Variants in CFAP52 observed in about 807,000 individuals in gnomAD.
CFAP52 encodes the protein cilia and flagella associated protein 52.
CFAP52 carries 57 observed loss-of-function variants against 70.5 expected under a neutral mutation model. The observed-to-expected ratio is 0.81, with a 90% confidence interval of 0.65 to 1.01. The LOEUF (loss-of-function observed/expected upper bound fraction) is 1.01. CFAP52 is among the 50% of genes least tolerant of loss of function. The pLI is 0.00. For synonymous variants in CFAP52, 267 were observed against 292.5 expected, an observed-to-expected ratio of 0.91 and a Z score of 0.89; for missense variants, 785 against 788.5, an observed-to-expected ratio of 1.00 and a Z score of 0.05.
At chr17:9,607,308 T>G (rs1180101955) in intron 6 of CFAP52, among the ~76,000 whole-genome samples, 1 of 152,226 alleles carries the variant, frequency 6.6e-6, no homozygotes, top group Non-Finnish European at 1.5e-5. Flanking sequence ...ATCATGCCAC[T>G]GCACTCCAGT....
At chr17:9,600,023 G>A (rs766843037) in intron 5 of CFAP52, 44 bp from the exon 6 acceptor site, 3 of 1,564,810 alleles carry the variant, frequency 1.9e-6, no homozygotes, top group Admixed American at 3.3e-5. Flanking sequence ...TTACAGGCGT[G>A]AGCCACCGAG....
At chr17:9,585,209 A>G (rs1364147168) in intron 1 of CFAP52, among the ~76,000 whole-genome samples, 4 of 152,144 alleles carry the variant, frequency 2.6e-5, no homozygotes, top group Admixed American at 1.3e-4. Context: ...GAAATACAGA[A>G]TCTCAACCCC....
At position 9,598,347 on chromosome 17, in the gene CFAP52, T is replaced by C; in HGVS notation, c.636+14T>C. ...ATGAGTATTGGAGTAAGTATTAATT[T>C]AAGTATTAAGTAACAATTAGCACAC... On this transcript the variant is annotated intron_variant, in intron 5 of 13. Transcript: ENST00000352665. The C allele has an allele frequency of 6.3e-7, 1 of 1,596,390 alleles. No homozygotes were observed. The highest frequency in any genetic ancestry group is 8.6e-7 in the Non-Finnish European group (1 of 1,167,710).
In CFAP52 at chr17:9,576,688, T is replaced by TC; in HGVS notation, c.-5dup. The TC allele has an allele frequency of 6.2e-7, 1 of 1,607,888 alleles. No individual in the cohort carries two copies. Among genetic ancestry groups the TC allele is most frequent in the Non-Finnish European group, 8.5e-7 (1 of 1,176,888 alleles). On this transcript the variant is annotated 5_prime_UTR_variant, in exon 1 of 14. Coordinates refer to ENST00000352665, the MANE Select transcript of CFAP52 (RefSeq NM_145054.5). Reference sequence around the variant, plus strand: ...GGAGGAGAGCAAAGTAATCAGAACCTCCCAAGGATGGATAACAAAATTTCG... The same window carrying TC: ...GGAGGAGAGCAAAGTAATCAGAACCTCCCCAAGGATGGATAACAAAATTTCG...
chr17:9,631,058 GAAAGAAAGAA>G (rs1567634969), intron 9 of CFAP52, among the ~76,000 whole-genome samples: 6 of 115,754 alleles, frequency 5.2e-5, no homozygotes, highest in East Asian at 3.6e-4. Flanking sequence ...GAGAGAGAAA[GAAAGAAAGAA>G]AGAAAGAAAG....
chr17:9,641,866 T>C (rs370163534), intron 13 of CFAP52, 31 bp downstream of exon 13: 63 of 1,589,340 alleles, frequency 4.0e-5, no homozygotes, highest in Non-Finnish European at 5.4e-5. Flanking sequence ...AAGCCAAGCC[T>C]GGCTTATTTA....
chr17:9,644,592 G>C (rs571746459), downstream of CFAP52: 1 of 152,216 alleles, frequency 6.6e-6, no homozygotes, highest in East Asian at 1.9e-4. Context: ...AGTGAGGGGT[G>C]GGGGAGGGGC....
intron 9 of CFAP52, among the ~76,000 whole-genome samples, 156 bp downstream of exon 9, chr17:9,628,976 T>C (rs1910345364): frequency 6.6e-6 from 1 of 152,202 alleles, no homozygotes; most frequent in African/African-American, 2.4e-5. Flanking sequence ...CTTTGGAGTT[T>C]CCTTCCAGCT....
At chr17:9,581,179 C>T (rs371226604) in intron 1 of CFAP52, among the ~76,000 whole-genome samples, 10 of 151,910 alleles carry the variant, frequency 6.6e-5, no homozygotes, top group African/African-American at 1.9e-4. Flanking sequence ...TAGCCGGGCG[C>T]GGTGGCGGGC....
chr17:9,635,978 G>C (rs912073146), intron 11 of CFAP52, among the ~76,000 whole-genome samples: 1 of 151,952 alleles, frequency 6.6e-6, no homozygotes, highest in African/African-American at 2.4e-5. Context: ...TTCGAGACCA[G>C]CCTGGCCAAC....
chr17:9,606,437 T>C (rs1216911395), intron 6 of CFAP52, among the ~76,000 whole-genome samples: 1 of 152,060 alleles, frequency 6.6e-6, no homozygotes, highest in Non-Finnish European at 1.5e-5. Flanking sequence ...TATCTGTCAA[T>C]AAATGCTGAT....
intron 4 of CFAP52, among the ~76,000 whole-genome samples, chr17:9,596,039 A>G (rs903551897): frequency 1.6e-4 from 22 of 134,072 alleles, no homozygotes; most frequent in Admixed American, 2.5e-4. Context: ...ATGTATATGT[A>G]TGTAGATATA....
chr17:9,576,814 C>A, intron 1 of CFAP52, 49 bp downstream of exon 1: 1 of 1,582,546 alleles, frequency 6.3e-7, no homozygotes, highest in Non-Finnish European at 8.6e-7. Flanking sequence ...ATTCGGAGGA[C>A]GTGTAGTGCA....
chr17:9,626,145 C>G (rs1227957064), intron 8 of CFAP52, among the ~76,000 whole-genome samples: 1 of 152,176 alleles, frequency 6.6e-6, no homozygotes, highest in African/African-American at 2.4e-5. Context: ...AAACTAAGAA[C>G]AATCTACCAC....
At chr17:9,594,055 G>A (rs1433927008) in intron 3 of CFAP52, 138 bp from the exon 4 acceptor site, 89 of 1,243,056 alleles carry the variant, frequency 7.2e-5, no homozygotes, top group Non-Finnish European at 9.5e-5. Context: ...AGATGTCAGG[G>A]GTGGGGTAAT....
intron 4 of CFAP52, among the ~76,000 whole-genome samples, chr17:9,596,057 G>GTATA (rs1322554543): frequency 2.1e-4 from 22 of 103,580 alleles, no homozygotes; most frequent in South Asian, 7.0e-4. Flanking sequence ...ATATATGTGT[G>GTATA]TGTATATATA....
intron 1 of CFAP52, among the ~76,000 whole-genome samples, chr17:9,577,773 C>G (rs191762681): frequency 6.6e-6 from 1 of 152,160 alleles, no homozygotes; most frequent in Non-Finnish European, 1.5e-5. Flanking sequence ...ACTTGTTGAG[C>G]CAATGTAGAA....
intron 6 of CFAP52, among the ~76,000 whole-genome samples, chr17:9,600,597 C>G (rs749510038): frequency 6.6e-6 from 1 of 152,044 alleles, no homozygotes; most frequent in Admixed American, 6.6e-5. Flanking sequence ...AAGAGTCTCG[C>G]TCTGTCGCCC....
At chr17:9,628,600 C>T (rs1466529317) in intron 8 of CFAP52, 72 bp from the exon 9 acceptor site, 4 of 1,561,162 alleles carry the variant, frequency 2.6e-6, no homozygotes, top group East Asian at 2.3e-5. Flanking sequence ...TTGTGAAACA[C>T]ATTTTGGTGT....
Sources: gnomAD v4.1 joint callset for allele counts (sites outside exome capture counted in the v4.1 genomes callset) on GRCh38, gnomAD v4.1.1 for gene constraint, MANE v1.5 for transcripts, NCBI Gene and HGNC (gene_info 2026-07-23, HGNC 2026-07-21) for gene names.